Variants in PVT1 observed in about 807,000 individuals in gnomAD.
PVT1 encodes CXCR4/PVT1 fusion.
intron 2 of PVT1, among the ~76,000 whole-genome samples, chr8:127,878,212 C>G (rs985310440): frequency 1.3e-5 from 2 of 151,958 alleles, no homozygotes; most frequent in African/African-American, 4.8e-5. Context: ...TTTTGAAGGT[C>G]TGTCACTTGG....
At chr8:128,033,088 C>A (rs1207532150) in intron 4 of PVT1, among the ~76,000 whole-genome samples, 1 of 152,230 alleles carries the variant, frequency 6.6e-6, no homozygotes, top group East Asian at 1.9e-4. Context: ...AACTGTCCCT[C>A]AGGCTTCTCT....
intron 5 of PVT1, among the ~76,000 whole-genome samples, chr8:128,071,645 A>G (rs185205534): frequency 1.1e-4 from 16 of 151,922 alleles, no homozygotes; most frequent in African/African-American, 3.6e-4. Flanking sequence ...TGATCATGCC[A>G]TTGCTCTCCA....
intron 4 of PVT1, among the ~76,000 whole-genome samples, chr8:128,026,107 T>A (rs1017342921): frequency 6.6e-6 from 1 of 152,134 alleles, no homozygotes; most frequent in African/African-American, 2.4e-5. Flanking sequence ...CACACCCAGC[T>A]AATTTTTGCA....
At chr8:127,884,515 G>A (rs1815503517) in intron 2 of PVT1, among the ~76,000 whole-genome samples, 1 of 152,126 alleles carries the variant, frequency 6.6e-6, no homozygotes, top group Non-Finnish European at 1.5e-5. Flanking sequence ...ATAGGGTTTG[G>A]GTATATTCAG....
chr8:128,048,260 G>A (rs1395008537), intron 4 of PVT1, among the ~76,000 whole-genome samples: 5 of 152,206 alleles, frequency 3.3e-5, no homozygotes, highest in Admixed American at 6.5e-5. Flanking sequence ...ACTAATATTT[G>A]TGAATGAATG....
intron 4 of PVT1, among the ~76,000 whole-genome samples, chr8:128,029,966 T>C (rs1763377075): frequency 6.6e-6 from 1 of 152,158 alleles, no homozygotes; most frequent in African/African-American, 2.4e-5. Flanking sequence ...TTTAAAAAAT[T>C]AGCTGGACAT....
intron 2 of PVT1, among the ~76,000 whole-genome samples, chr8:127,803,934 T>C (rs1814498335): frequency 6.6e-6 from 1 of 152,098 alleles, no homozygotes; most frequent in Admixed American, 6.6e-5. Flanking sequence ...TTGGTCAGGC[T>C]GATCTCGAAC....
chr8:127,995,023 G>C (rs532177664), intron 4 of PVT1, among the ~76,000 whole-genome samples: 2 of 152,342 alleles, frequency 1.3e-5, no homozygotes, highest in African/African-American at 4.8e-5. Context: ...CTGTGGCCCA[G>C]TCAAGTTGAC....
intron 4 of PVT1, among the ~76,000 whole-genome samples, chr8:128,035,077 G>C (rs1034385007): frequency 6.6e-6 from 1 of 152,186 alleles, no homozygotes; most frequent in African/African-American, 2.4e-5. Flanking sequence ...AAAAGCATTT[G>C]TGGCAAGGAT....
chr8:127,873,442 A>G (rs1815373273), intron 2 of PVT1, among the ~76,000 whole-genome samples: 1 of 152,178 alleles, frequency 6.6e-6, no homozygotes, highest in Middle Eastern at 3.2e-3. Flanking sequence ...TGGCTGCTGA[A>G]AAATCATCAT....
intron 3 of PVT1, among the ~76,000 whole-genome samples, chr8:127,960,074 G>A (rs1816621364): frequency 6.6e-6 from 1 of 152,180 alleles, no homozygotes; most frequent in Admixed American, 6.5e-5. Context: ...ATGATTTCTG[G>A]AAATTTCCCT....
At chr8:127,929,681 T>C (rs1400559182) in intron 3 of PVT1, among the ~76,000 whole-genome samples, 5 of 151,332 alleles carry the variant, frequency 3.3e-5, no homozygotes, top group African/African-American at 1.2e-4. Context: ...GGCAGGAGAA[T>C]GGCGTGAACC....
chr8:127,830,322 T>C (rs1460502178), intron 2 of PVT1, among the ~76,000 whole-genome samples: 1 of 152,032 alleles, frequency 6.6e-6, no homozygotes, highest in Non-Finnish European at 1.5e-5. Flanking sequence ...GAGGGCCAGA[T>C]AGCAGAAGTG....
intron 4 of PVT1, chr8:128,008,975 A>G (rs773910631): frequency 5.8e-6 from 3 of 513,424 alleles, no homozygotes; most frequent in African/African-American, 1.9e-5. Context: ...TGCTCGCCAC[A>G]CAATTGCAGC....
chr8:127,934,274 A>G (rs1816245495), intron 3 of PVT1, among the ~76,000 whole-genome samples: 2 of 152,190 alleles, frequency 1.3e-5, no homozygotes, highest in South Asian at 2.1e-4. Context: ...AATTTATTGA[A>G]TGCTTACTTT....
At chr8:127,848,844 G>A (rs550264441) in intron 2 of PVT1, among the ~76,000 whole-genome samples, 1 of 152,338 alleles carries the variant, frequency 6.6e-6, no homozygotes, top group Admixed American at 6.5e-5. Flanking sequence ...AGGACATGAT[G>A]CTTGCATAGT....
chr8:128,061,242 T>C (rs1250591099), intron 4 of PVT1, among the ~76,000 whole-genome samples: 2 of 152,220 alleles, frequency 1.3e-5, no homozygotes, highest in Non-Finnish European at 2.9e-5. Context: ...TTCACGTAAA[T>C]GGAACCACAG....
At chr8:127,900,287 C>A (rs1376336098) in intron 3 of PVT1, among the ~76,000 whole-genome samples, 1 of 152,024 alleles carries the variant, frequency 6.6e-6, no homozygotes, top group African/African-American at 2.4e-5. Context: ...ATGATCCCCC[C>A]ACCTCGGCCT....
At chr8:128,099,043 A>G (rs1335357412) in intron 6 of PVT1, among the ~76,000 whole-genome samples, 1 of 152,170 alleles carries the variant, frequency 6.6e-6, no homozygotes, top group African/African-American at 2.4e-5. Flanking sequence ...CTACAGGTTC[A>G]TTACCCCATT....
Sources: allele counts gnomAD v4.1 joint callset (sites outside exome capture counted in the v4.1 genomes callset), GRCh38; gene constraint gnomAD v4.1.1; transcripts MANE v1.5; gene names NCBI Gene and HGNC (gene_info 2026-07-23, HGNC 2026-07-21).